Variants in KCNQ5 observed in about 807,000 individuals in gnomAD.
KCNQ5 encodes potassium voltage-gated channel subfamily Q member 5.
Under a neutral mutation model 98.2 loss-of-function variants are expected in KCNQ5, and 30 were observed. That is an observed-to-expected ratio of 0.31 (90% CI 0.23 to 0.41). The LOEUF (loss-of-function observed/expected upper bound fraction) is 0.41. Ranked by LOEUF, KCNQ5 falls within the 10% of genes least tolerant of loss-of-function variation. The pLI is 1.00. For missense variants in KCNQ5, 835 were observed against 1,182.5 expected (o/e 0.71, Z 4.31); for synonymous variants, 458 against 449.4 (o/e 1.02, Z -0.24).
intron 5 of KCNQ5, among the ~76,000 whole-genome samples, chr6:73,101,644 C>T (rs1468212923): frequency 6.6e-6 from 1 of 151,886 alleles, no homozygotes; most frequent in African/African-American, 2.4e-5. Context: ...AGAAAATAAT[C>T]CCATTTACAA....
intron 1 of KCNQ5, among the ~76,000 whole-genome samples, chr6:72,866,330 C>G (rs1328073766): frequency 6.8e-6 from 1 of 147,678 alleles, no homozygotes; most frequent in Admixed American, 6.8e-5. Flanking sequence ...TCTCGGCCCA[C>G]TGCAGCCTCA....
chr6:72,840,213 T>C (rs1776730219), intron 1 of KCNQ5, among the ~76,000 whole-genome samples: 1 of 152,230 alleles, frequency 6.6e-6, no homozygotes, highest in Non-Finnish European at 1.5e-5. Flanking sequence ...AATGCTGCAG[T>C]GAACATAGGA....
intron 1 of KCNQ5, among the ~76,000 whole-genome samples, chr6:72,997,546 C>T (rs990001011): frequency 1.3e-4 from 19 of 151,220 alleles, no homozygotes; most frequent in Admixed American, 4.6e-4. Context: ...GAGGTAGAGG[C>T]GGGCGGATCA....
intron 1 of KCNQ5, among the ~76,000 whole-genome samples, chr6:72,951,086 A>G (rs1766780495): frequency 6.6e-6 from 1 of 152,156 alleles, no homozygotes; most frequent in South Asian, 2.1e-4. Flanking sequence ...TGTTAAATCA[A>G]CTTGAGTATT....
intron 1 of KCNQ5, among the ~76,000 whole-genome samples, chr6:72,776,199 C>T (rs542019108): frequency 6.6e-5 from 10 of 152,110 alleles, no homozygotes; most frequent in Non-Finnish European, 1.0e-4. Context: ...AACTGGGAAG[C>T]GTGCTCTCCA....
At chr6:72,947,181 T>C (rs1483391408) in intron 1 of KCNQ5, among the ~76,000 whole-genome samples, 1 of 152,142 alleles carries the variant, frequency 6.6e-6, no homozygotes, top group Non-Finnish European at 1.5e-5. Flanking sequence ...AGGTAAACAA[T>C]TTTTCTAACA....
At chr6:72,986,617 G>A (rs1237770778) in intron 1 of KCNQ5, 8 of 676,248 alleles carry the variant, frequency 1.2e-5, no homozygotes, top group South Asian at 7.4e-5. Flanking sequence ...CTGACACCAC[G>A]CTGCGTGCCA....
At chr6:72,962,222 CATAT>C (rs775320861) in intron 1 of KCNQ5, among the ~76,000 whole-genome samples, 2 of 138,492 alleles carry the variant, frequency 1.4e-5, no homozygotes, top group East Asian at 2.0e-4. Flanking sequence ...TATATACACA[CATAT>C]ATATATATAT....
intron 1 of KCNQ5, among the ~76,000 whole-genome samples, chr6:72,970,163 G>A (rs891472670): frequency 6.6e-6 from 1 of 152,126 alleles, no homozygotes; most frequent in African/African-American, 2.4e-5. Context: ...AGAGGCTGAG[G>A]TGAGGGGATC....
intron 1 of KCNQ5, among the ~76,000 whole-genome samples, chr6:72,847,610 G>T (rs1260525427): frequency 2.0e-5 from 3 of 152,184 alleles, no homozygotes; most frequent in African/African-American, 7.2e-5. Context: ...TCTCCCCAGA[G>T]CCTCTATTTC....
At position 72,750,891 on chromosome 6, in the gene KCNQ5, C is replaced by T. The variant is rs79405798; in HGVS notation, c.398+128304C>T. On this transcript the variant is annotated intron_variant, in intron 1 of 13. Transcript: ENST00000370398. ...TTGCTCAAGCCTTCCACTTCCATTC[C>T]TTTGACATACTTAATGAGTTTCATC... 4.3e-3 allele frequency among the ~76,000 whole-genome samples: 647 copies of T among 152,016 alleles called. 7 individuals are homozygous for T. Among genetic ancestry groups the T allele is most frequent in the African/African-American group, 0.015 (605 of 41,502 alleles).
At chr6:72,958,765 T>C (rs1005611286) in intron 1 of KCNQ5, among the ~76,000 whole-genome samples, 3 of 152,154 alleles carry the variant, frequency 2.0e-5, no homozygotes, top group South Asian at 4.1e-4. Flanking sequence ...GTAAGTACAA[T>C]GGAAACATAA....
At chr6:73,119,952 C>G (rs1315296605) in intron 7 of KCNQ5, among the ~76,000 whole-genome samples, 1 of 151,960 alleles carries the variant, frequency 6.6e-6, no homozygotes, top group Non-Finnish European at 1.5e-5. Context: ...TGAAAAGAAG[C>G]TCTGGCCAGG....
chr6:72,758,755 T>C (rs1389471979), intron 1 of KCNQ5, among the ~76,000 whole-genome samples: 1 of 152,184 alleles, frequency 6.6e-6, no homozygotes, highest in African/African-American at 2.4e-5. Context: ...CTGTGCATTC[T>C]GTGTTGCATA....
At chr6:72,655,025 TG>T in intron 1 of KCNQ5, among the ~76,000 whole-genome samples, 1 of 89,590 alleles carries the variant, frequency 1.1e-5, no homozygotes, top group South Asian at 3.4e-4. Context: ...AAGGTCTGTC[TG>T]TCTTTCTTTC....
chr6:72,821,703 T>C (rs1284038904), intron 1 of KCNQ5, among the ~76,000 whole-genome samples: 1 of 152,074 alleles, frequency 6.6e-6, no homozygotes, highest in Non-Finnish European at 1.5e-5. Flanking sequence ...CATACCTCTA[T>C]CTCTTTTGCT....
intron 7 of KCNQ5, among the ~76,000 whole-genome samples, chr6:73,112,353 T>TC (rs1311215392): frequency 1.3e-5 from 2 of 151,386 alleles, no homozygotes; most frequent in African/African-American, 4.8e-5. Context: ...TTGTTTTGTT[T>TC]TTTTTTTTTT....
At chr6:72,986,890 G>C in intron 1 of KCNQ5, 1 of 867,246 alleles carries the variant, frequency 1.2e-6, no homozygotes, top group African/African-American at 1.7e-5. Flanking sequence ...GGGATGCTGC[G>C]GACACTTGCT....
chr6:72,859,080 G>A (rs992850633), intron 1 of KCNQ5, among the ~76,000 whole-genome samples: 3 of 152,028 alleles, frequency 2.0e-5, no homozygotes, highest in Non-Finnish European at 4.4e-5. Flanking sequence ...ACCTGTTTAT[G>A]CCATATAAAT....
Sources: allele counts gnomAD v4.1 joint callset (sites outside exome capture counted in the v4.1 genomes callset), GRCh38; gene constraint gnomAD v4.1.1; transcripts MANE v1.5; gene names NCBI Gene and HGNC (gene_info 2026-07-23, HGNC 2026-07-21).